DDR2: variants seen among roughly 807,000 people sequenced by gnomAD.
DDR2 encodes discoidin domain-containing receptor 2.
Under a neutral mutation model 94.9 loss-of-function variants are expected in DDR2, and 27 were observed. That is an observed-to-expected ratio of 0.28 (90% CI 0.21 to 0.39). DDR2 has a LOEUF of 0.39. DDR2 is among the 10% of genes least tolerant of loss of function. The probability of loss-of-function intolerance (pLI) is 1.00; values close to 1 mark genes in which losing one functional copy is unlikely to be tolerated. For synonymous variants in DDR2, 382 were observed against 377.2 expected, an observed-to-expected ratio of 1.01 and a Z score of -0.15; for missense variants, 783 against 1,076.0, an observed-to-expected ratio of 0.73 and a Z score of 3.81.
At chr1:162,648,520 G>T (rs1657526049) in intron 1 of DDR2, among the ~76,000 whole-genome samples, 1 of 152,178 alleles carries the variant, frequency 6.6e-6, no homozygotes. Context: ...GTTGTCTTAA[G>T]ATGTGACAGC....
chr1:162,758,495 A>G lies in DDR2; in HGVS notation c.672-1301A>G, dbSNP rs951634448. The stretch of plus-strand genomic sequence containing the variant: ...TTCCTTTTAATTTCTGTTGCTTTTC[A>G]TAAAACTTTCCTGGGATTTATTTTT... On this transcript the variant is annotated intron_variant, in intron 7 of 17. Coordinates refer to ENST00000367921, the MANE Select transcript of DDR2 (RefSeq NM_006182.4). Among the ~76,000 whole-genome samples the G allele has an allele frequency of 5.3e-5, 8 of 152,288 alleles. 2 individuals are homozygous for G. The highest frequency in any genetic ancestry group is 5.2e-4 in the Admixed American group (8 of 15,292).
chr1:162,767,678 T>TA (rs1048062267), intron 11 of DDR2, among the ~76,000 whole-genome samples: 2 of 151,902 alleles, frequency 1.3e-5, no homozygotes, highest in South Asian at 2.1e-4. Flanking sequence ...CATCCATATT[T>TA]AAAAAAAAAT....
intron 2 of DDR2, among the ~76,000 whole-genome samples, chr1:162,707,337 A>G (rs1322652672): frequency 2.0e-5 from 3 of 152,244 alleles, no homozygotes; most frequent in African/African-American, 7.2e-5. Context: ...GTGAGGATGG[A>G]GAACAAACCA....
At chr1:162,770,783 C>T in intron 12 of DDR2, 1 of 501,948 alleles carries the variant, frequency 2.0e-6, no homozygotes, top group Non-Finnish European at 3.7e-6. Flanking sequence ...GGTGTTGACA[C>T]CAGAAGAACC....
chr1:162,754,890 A>C, intron 5 of DDR2, 35 bp downstream of exon 5: 3 of 1,609,726 alleles, frequency 1.9e-6, no homozygotes, highest in Non-Finnish European at 2.6e-6. Flanking sequence ...CTGGATGTCC[A>C]AGACCATATT....
chr1:162,661,350 A>G (rs1258242297), intron 2 of DDR2, among the ~76,000 whole-genome samples: 2 of 152,222 alleles, frequency 1.3e-5, no homozygotes, highest in African/African-American at 4.8e-5. Flanking sequence ...AAATAAAAAG[A>G]CTTGTACAAG....
intron 3 of DDR2, among the ~76,000 whole-genome samples, chr1:162,742,579 C>T (rs1472998947): frequency 6.6e-6 from 1 of 152,236 alleles, no homozygotes; most frequent in African/African-American, 2.4e-5. Context: ...GAGAGATCTT[C>T]CCCCATGATC....
At chr1:162,703,989 T>G (rs999898956) in intron 2 of DDR2, among the ~76,000 whole-genome samples, 8 of 152,184 alleles carry the variant, frequency 5.3e-5, no homozygotes, top group Non-Finnish European at 1.0e-4. Context: ...AGTAGAATCT[T>G]GGCAGAGGTG....
intron 2 of DDR2, among the ~76,000 whole-genome samples, chr1:162,677,495 C>T (rs1341666288): frequency 6.6e-6 from 1 of 152,076 alleles, no homozygotes; most frequent in Non-Finnish European, 1.5e-5. Context: ...ATGCCTTTTC[C>T]CAGTGGATTT....
At chr1:162,744,928 C>T (rs577782108) in intron 3 of DDR2, among the ~76,000 whole-genome samples, 6 of 152,284 alleles carry the variant, frequency 3.9e-5, no homozygotes, top group Non-Finnish European at 8.8e-5. Context: ...AGCCTCCATA[C>T]TGACTGCATC....
chr1:162,770,283 C>G lies in DDR2; in HGVS notation c.1294-19C>G. On this transcript the variant is annotated intron_variant, in intron 11 of 17. Coordinates refer to ENST00000367921, the MANE Select transcript of DDR2 (RefSeq NM_006182.4). ...CTCTTTTGTGCCAACATGCCTTTCTCCTTGCTCTTCTCTTCCAGGCTTCTC... is the reference window on the plus strand; with the variant it reads ...CTCTTTTGTGCCAACATGCCTTTCTGCTTGCTCTTCTCTTCCAGGCTTCTC... The G allele has an allele frequency of 6.2e-7, 1 of 1,613,264 alleles. No homozygotes were observed. The highest frequency in any genetic ancestry group is 2.2e-5 in the East Asian group (1 of 44,866).
At chr1:162,768,725 T>C (rs1357921344) in intron 11 of DDR2, among the ~76,000 whole-genome samples, 1 of 152,214 alleles carries the variant, frequency 6.6e-6, no homozygotes, top group Non-Finnish European at 1.5e-5. Flanking sequence ...TAGGAAGGAA[T>C]ATTTCATGGA....
intron 2 of DDR2, among the ~76,000 whole-genome samples, chr1:162,675,066 G>A (rs576705849): frequency 2.6e-4 from 39 of 152,088 alleles, no homozygotes; most frequent in Non-Finnish European, 3.2e-4. Context: ...CCTGAGGCAG[G>A]AGAATGCTTG....
At chr1:162,749,282 G>T (rs184223619) in intron 3 of DDR2, among the ~76,000 whole-genome samples, 234 of 152,236 alleles carry the variant, frequency 1.5e-3, no homozygotes, top group African/African-American at 5.3e-3. Context: ...GAAGAAAGGA[G>T]AGAAGAATCA....
At chr1:162,753,249 C>T in intron 4 of DDR2, 52 bp downstream of exon 4, 1 of 1,541,650 alleles carries the variant, frequency 6.5e-7, no homozygotes, top group Non-Finnish European at 8.9e-7. Flanking sequence ...GGCAGATTTC[C>T]TGGGCACAGA....
At chr1:162,682,567 G>A (rs907322752) in intron 2 of DDR2, among the ~76,000 whole-genome samples, 1 of 152,226 alleles carries the variant, frequency 6.6e-6, no homozygotes, top group African/African-American at 2.4e-5. Context: ...GCCCAGGCTG[G>A]CAAAGAATAA....
intron 7 of DDR2, among the ~76,000 whole-genome samples, chr1:162,757,571 T>C (rs1663520932): frequency 6.6e-6 from 1 of 151,904 alleles, no homozygotes; most frequent in African/African-American, 2.4e-5. Flanking sequence ...GAGCAAGAAG[T>C]GGAGGAGGAG....
intron 4 of DDR2, 143 bp downstream of exon 4, chr1:162,753,340 G>C: frequency 1.3e-6 from 1 of 743,624 alleles, no homozygotes; most frequent in South Asian, 1.5e-5. Context: ...AAGTGGGCCT[G>C]TCCTGCTCTG....
chr1:162,701,720 A>C (rs1306768748), intron 2 of DDR2, among the ~76,000 whole-genome samples: 2 of 152,246 alleles, frequency 1.3e-5, no homozygotes, highest in Non-Finnish European at 2.9e-5. Flanking sequence ...ATAACCTCAC[A>C]AAGAAGCACA....
Sources: gnomAD v4.1 joint callset for allele counts (sites outside exome capture counted in the v4.1 genomes callset) on GRCh38, gnomAD v4.1.1 for gene constraint, MANE v1.5 for transcripts, NCBI Gene and HGNC (gene_info 2026-07-23, HGNC 2026-07-21) for gene names.